LOC128125822: variants seen among roughly 807,000 people sequenced by gnomAD.
the LOC128125822 span, chr6:63,580,267 T>C: frequency 9.4e-7 from 1 of 1,061,264 alleles, no homozygotes; most frequent in Non-Finnish European, 1.4e-6. Context: ...GTAAGTCTAA[T>C]GAAGCTTCCA....
chr6:63,574,620 A>G, the LOC128125822 span, among the ~76,000 whole-genome samples: 1 of 152,198 alleles, frequency 6.6e-6, no homozygotes, highest in African/African-American at 2.4e-5. Flanking sequence ...TGTAGCCGAC[A>G]GGAGTTTTAG....
the LOC128125822 span, chr6:63,581,661 G>A: frequency 1.3e-5 from 2 of 152,042 alleles, no homozygotes; most frequent in African/African-American, 4.8e-5. Flanking sequence ...ACTTTTTAAA[G>A]GTCTAGATAA....
At chr6:63,578,618 C>T in the LOC128125822 span, 1 of 1,473,920 alleles carries the variant, frequency 6.8e-7, no homozygotes, top group African/African-American at 1.5e-5. Flanking sequence ...CTATTTAAGT[C>T]ATAAATAGAC....
chr6:63,572,736 T>C, the LOC128125822 span: 1 of 398,322 alleles, frequency 2.5e-6, no homozygotes, highest in East Asian at 3.6e-5. Context: ...AGCCGTCGCA[T>C]CGTCGCCTCT....
the LOC128125822 span, chr6:63,572,600 C>A: frequency 9.5e-6 from 4 of 418,890 alleles, no homozygotes; most frequent in Admixed American, 4.4e-5. Flanking sequence ...GCCGCCACCG[C>A]CGCTCCGCCA....
the LOC128125822 span, chr6:63,573,548 G>T: frequency 6.6e-6 from 1 of 152,234 alleles, no homozygotes; most frequent in Non-Finnish European, 1.5e-5. Flanking sequence ...GCGTGCGCGG[G>T]GCGGCGGCCC....
chr6:63,572,786 C>A, the LOC128125822 span: 1 of 397,970 alleles, frequency 2.5e-6, no homozygotes, highest in South Asian at 1.3e-4. Context: ...TCCCCGCTGT[C>A]GCCTTTGTTC....
chr6:63,576,286 G>C, the LOC128125822 span: 1 of 381,312 alleles, frequency 2.6e-6, no homozygotes, highest in Non-Finnish European at 4.6e-6. Context: ...CTCACCCCTT[G>C]AGTTTTGCAA....
At chr6:63,572,857 GC>G in the LOC128125822 span, 1 of 394,102 alleles carries the variant, frequency 2.5e-6, no homozygotes, top group Non-Finnish European at 4.5e-6. Context: ...CCGGGTGGGA[GC>G]GGGCGGGTTA....
the LOC128125822 span, chr6:63,578,877 TTAAA>T: frequency 2.7e-6 from 4 of 1,505,146 alleles, no homozygotes; most frequent in Non-Finnish European, 2.7e-6. Flanking sequence ...TCTAAAATGT[TTAAA>T]TATTCTTCTG....
At chr6:63,581,887 T>C in the LOC128125822 span, 1 of 152,200 alleles carries the variant, frequency 6.6e-6, no homozygotes, top group Non-Finnish European at 1.5e-5. Context: ...TAAGTTTCCT[T>C]TAATGATCCA....
At chr6:63,580,296 G>GTT in the LOC128125822 span, 1 of 774,126 alleles carries the variant, frequency 1.3e-6, no homozygotes, top group Non-Finnish European at 2.1e-6. Context: ...TTGAAAGGCA[G>GTT]TTTTACCAGG....
the LOC128125822 span, chr6:63,576,954 C>G: frequency 6.2e-7 from 1 of 1,613,762 alleles, no homozygotes; most frequent in Non-Finnish European, 8.5e-7. Context: ...ACACACAATC[C>G]AACCAATGCG....
At chr6:63,576,887 C>A in the LOC128125822 span, 1 of 1,611,876 alleles carries the variant, frequency 6.2e-7, no homozygotes, top group Non-Finnish European at 8.5e-7. Context: ...TAACATGGCT[C>A]GAATGAACCG....
At chr6:63,583,381 T>G in the LOC128125822 span, 1 of 152,234 alleles carries the variant, frequency 6.6e-6, no homozygotes, top group Non-Finnish European at 1.5e-5. Context: ...AAAAGTGGTT[T>G]AAAAGTGACA....
chr6:63,579,358 G>A, the LOC128125822 span: 46 of 1,520,786 alleles, frequency 3.0e-5, no homozygotes, highest in Non-Finnish European at 4.1e-5. Context: ...CTTTTCATTT[G>A]TACTCTCTTT....
the LOC128125822 span, among the ~76,000 whole-genome samples, chr6:63,577,423 C>CT: frequency 1.3e-5 from 2 of 152,208 alleles, no homozygotes; most frequent in African/African-American, 4.8e-5. Flanking sequence ...AGCCAAAACT[C>CT]TACCTGCCTC....
the LOC128125822 span, among the ~76,000 whole-genome samples, chr6:63,577,989 A>G: frequency 7.3e-4 from 71 of 96,924 alleles, no homozygotes; most frequent in African/African-American, 4.3e-3. Flanking sequence ...ACTTCATTCA[A>G]TGTAAATCAG....
chr6:63,580,151 A>G, the LOC128125822 span: 2 of 1,612,308 alleles, frequency 1.2e-6, no homozygotes, highest in Non-Finnish European at 1.7e-6. Flanking sequence ...CAACGGTCAT[A>G]GAAACAACTG....
Sources: gnomAD v4.1 joint callset for allele counts (sites outside exome capture counted in the v4.1 genomes callset) on GRCh38, gnomAD v4.1.1 for gene constraint, MANE v1.5 for transcripts.